Variants in BLTP3B observed in about 807,000 individuals in gnomAD.
BLTP3B encodes bridge-like lipid transfer protein family member 3B.
chr12:100,087,286 CAAATTTTAAAACA>C, the BLTP3B span, among the ~76,000 whole-genome samples: 3 of 149,836 alleles, frequency 2.0e-5, no homozygotes, highest in African/African-American at 7.4e-5. Flanking sequence ...ACATAAAAAT[CAAATTTTAAAACA>C]AAATGGGCAA....
chr12:100,079,561 A>AT, the BLTP3B span, among the ~76,000 whole-genome samples: 1 of 152,170 alleles, frequency 6.6e-6, no homozygotes, highest in African/African-American at 2.4e-5. Flanking sequence ...AAGGCATTTC[A>AT]TTTTATAAGG....
At chr12:100,070,541 G>T in the BLTP3B span, among the ~76,000 whole-genome samples, 11 of 152,240 alleles carry the variant, frequency 7.2e-5, no homozygotes, top group Non-Finnish European at 1.5e-4. Flanking sequence ...ACAGGCATGA[G>T]CCACTGCACC....
chr12:100,113,274 G>A, the BLTP3B span, among the ~76,000 whole-genome samples: 2 of 151,946 alleles, frequency 1.3e-5, no homozygotes, highest in Admixed American at 6.6e-5. Context: ...TCAGGAGTTC[G>A]AGACCATCCT....
the BLTP3B span, chr12:100,098,402 C>T: frequency 3.7e-6 from 6 of 1,613,252 alleles, no homozygotes; most frequent in East Asian, 1.3e-4. Context: ...TCTCCATGTT[C>T]CCAGTGTGCA....
chr12:100,102,171 G>A, the BLTP3B span, among the ~76,000 whole-genome samples: 75 of 142,594 alleles, frequency 5.3e-4, no homozygotes, highest in Non-Finnish European at 8.7e-4. Flanking sequence ...GTGCAATGGC[G>A]CGATCTTGGC....
At chr12:100,096,666 TA>T in the BLTP3B span, among the ~76,000 whole-genome samples, 111 of 150,062 alleles carry the variant, frequency 7.4e-4, no homozygotes, top group African/African-American at 2.6e-3. Flanking sequence ...AAAAAAAAAA[TA>T]AAAATAAGCT....
At chr12:100,133,044 C>T in the BLTP3B span, among the ~76,000 whole-genome samples, 2 of 152,074 alleles carry the variant, frequency 1.3e-5, no homozygotes, top group African/African-American at 4.8e-5. Context: ...GAGATGGAGA[C>T]CATCCTGGCT....
the BLTP3B span, among the ~76,000 whole-genome samples, chr12:100,128,260 T>C: frequency 6.6e-6 from 1 of 152,188 alleles, no homozygotes. Flanking sequence ...TGCTAACTAC[T>C]ATTTCCAAAC....
chr12:100,054,837 T>TA, the BLTP3B span, among the ~76,000 whole-genome samples: 1 of 152,194 alleles, frequency 6.6e-6, no homozygotes, highest in Admixed American at 6.5e-5. Flanking sequence ...CTCTGCCTCT[T>TA]ACTACTTCCT....
At chr12:100,131,024 A>G in the BLTP3B span, among the ~76,000 whole-genome samples, 3 of 124,076 alleles carry the variant, frequency 2.4e-5, no homozygotes, top group East Asian at 2.0e-4. Context: ...AGAGAGAGAG[A>G]GAGAGAGAGA....
At chr12:100,050,171 C>T in the BLTP3B span, 6 of 1,494,398 alleles carry the variant, frequency 4.0e-6, no homozygotes, top group South Asian at 7.0e-5. Flanking sequence ...AACTTACCAA[C>T]TGGACGATTA....
the BLTP3B span, among the ~76,000 whole-genome samples, chr12:100,074,679 C>A: frequency 6.7e-6 from 1 of 150,122 alleles, no homozygotes; most frequent in Non-Finnish European, 1.5e-5. Flanking sequence ...TCATTTTGCA[C>A]AAAATTAGAA....
chr12:100,089,476 C>A, the BLTP3B span, among the ~76,000 whole-genome samples: 1 of 152,148 alleles, frequency 6.6e-6, no homozygotes, highest in East Asian at 1.9e-4. Flanking sequence ...AGGAGAATCA[C>A]TTGAACCCGG....
the BLTP3B span, chr12:100,128,757 A>G: frequency 7.9e-7 from 1 of 1,263,950 alleles, no homozygotes; most frequent in Non-Finnish European, 1.0e-6. Context: ...GGGACACAGA[A>G]GGGAGCAAGT....
chr12:100,087,158 CAAAAAAAAAAA>C, the BLTP3B span, among the ~76,000 whole-genome samples: 3 of 59,892 alleles, frequency 5.0e-5, 1 homozygote, highest in Admixed American at 2.3e-4. Context: ...GACTCCATCT[CAAAAAAAAAAA>C]AAAAAAAAAA....
the BLTP3B span, among the ~76,000 whole-genome samples, chr12:100,065,429 C>T: frequency 1.3e-5 from 2 of 152,052 alleles, no homozygotes; most frequent in South Asian, 2.1e-4. Context: ...TATAAACGGA[C>T]GTGCAAGTAG....
chr12:100,139,252 C>A, the BLTP3B span, among the ~76,000 whole-genome samples: 1 of 152,218 alleles, frequency 6.6e-6, no homozygotes, highest in Non-Finnish European at 1.5e-5. Flanking sequence ...AATAGTTTAG[C>A]ATTGAGTTAA....
the BLTP3B span, among the ~76,000 whole-genome samples, chr12:100,076,334 A>G: frequency 6.6e-6 from 1 of 151,544 alleles, no homozygotes; most frequent in African/African-American, 2.4e-5. Flanking sequence ...ATGAAGTAGA[A>G]TAATTTTTCA....
the BLTP3B span, among the ~76,000 whole-genome samples, chr12:100,065,984 GC>G: frequency 1.3e-5 from 2 of 152,084 alleles, no homozygotes; most frequent in Non-Finnish European, 2.9e-5. Flanking sequence ...TCACCCCCTG[GC>G]GGCCCAGCTG....
Sources: gnomAD v4.1 joint callset for allele counts (sites outside exome capture counted in the v4.1 genomes callset) on GRCh38, gnomAD v4.1.1 for gene constraint, MANE v1.5 for transcripts, NCBI Gene and HGNC (gene_info 2026-07-23, HGNC 2026-07-21) for gene names.